The following ETNPPL variants were observed in gnomAD, a reference collection of about 807,000 sequenced individuals.
The protein encoded by ETNPPL is ethanolamine-phosphate phospho-lyase.
In ETNPPL, 30 loss-of-function variants were observed where a neutral mutation model predicts 55.5. The ratio of observed to expected loss-of-function variants is 0.54; its 90% confidence interval spans 0.40 to 0.73. The LOEUF (loss-of-function observed/expected upper bound fraction) is 0.73, where lower values mean the gene tolerates loss of function less well. ETNPPL is among the 30% of genes least tolerant of loss of function. ETNPPL has a pLI of 0.00. For missense variants in ETNPPL, 528 were observed against 607.9 expected, an observed-to-expected ratio of 0.87 and a Z score of 1.38; for synonymous variants, 202 against 207.2, an observed-to-expected ratio of 0.98 and a Z score of 0.21.
chr4:108,760,318 C>T lies in ETNPPL; in HGVS notation c.57-12G>A. 1.4e-6 allele frequency: 2 copies of T among 1,474,216 alleles called. No homozygotes were observed. The highest frequency in any genetic ancestry group is 1.9e-6 in the Non-Finnish European group (2 of 1,055,574). The allele number at this position is 1,474,216 out of a possible 1,614,324, so 91.3% of individuals were successfully genotyped here. ...CTTTGCATGAGGGCCTAGAAATAAT[C>T]AAAGGAAACACTTTGGTCTGGTAGG... On this transcript the variant is annotated splice_polypyrimidine_tract_variant and intron_variant, in intron 1 of 12. Transcript: ENST00000296486.
chr4:108,759,439 A>G lies in ETNPPL; in HGVS notation c.335+310T>C, dbSNP rs575982988. On this transcript the variant is annotated intron_variant, in intron 3 of 12. Transcript: ENST00000296486. Reference sequence around the variant, plus strand: ...AAAAAAAAAAAGTTTTAGCTTGTTTACTAGAGTTATTTCTTGGCTAAAGTT... The same window carrying G: ...AAAAAAAAAAAGTTTTAGCTTGTTTGCTAGAGTTATTTCTTGGCTAAAGTT... Among the ~76,000 whole-genome samples the G allele has an allele frequency of 4.0e-5, 6 of 149,698 alleles. No individual in the cohort carries two copies. In the South Asian group the frequency reaches 1.3e-3, roughly 32 times the overall value.
At chr4:108,759,679 G>T in intron 3 of ETNPPL, 70 bp downstream of exon 3, 1 of 1,501,064 alleles carries the variant, frequency 6.7e-7, no homozygotes. Flanking sequence ...GAATCAAAAG[G>T]AAAGATTTGT....
rs1406498959 is a variant in ETNPPL, at chr4:108,749,213, A to G, written c.927+25T>C. 3.2e-6 allele frequency: 5 copies of G among 1,542,944 alleles called. No homozygotes were observed. In the African/African-American group the frequency reaches 6.8e-5, roughly 21 times the overall value. Reference sequence around the variant, plus strand: ...ACATGCATTATTTTTCCTTCTTAGCATTAAAGTTGGAGACCAAAATGTACC... The same window carrying G: ...ACATGCATTATTTTTCCTTCTTAGCGTTAAAGTTGGAGACCAAAATGTACC... On this transcript the variant is annotated intron_variant, in intron 8 of 12. Transcript: ENST00000296486.
At chr4:108,751,062 C>T (rs1245191897) in intron 6 of ETNPPL, 44 bp from the exon 7 acceptor site, 3 of 1,361,466 alleles carry the variant, frequency 2.2e-6, no homozygotes, top group East Asian at 4.6e-5. Flanking sequence ...GGTCCCCCTA[C>T]AACCCCCCTA....
intron 1 of ETNPPL, chr4:108,762,237 C>A: frequency 2.5e-6 from 1 of 394,086 alleles, no homozygotes; most frequent in Non-Finnish European, 5.0e-6. Context: ...GACAAGCAGG[C>A]TGGGAAGAAC....
At chr4:108,747,937 C>A in intron 9 of ETNPPL, 68 bp downstream of exon 9, 2 of 1,368,998 alleles carry the variant, frequency 1.5e-6, no homozygotes, top group Admixed American at 4.3e-5. Context: ...ACCATGTTGC[C>A]CAGCCTATAA....
At chr4:108,754,230 G>A (rs954760510) in intron 5 of ETNPPL, among the ~76,000 whole-genome samples, 2 of 151,752 alleles carry the variant, frequency 1.3e-5, no homozygotes, top group African/African-American at 2.4e-5. Context: ...CGCCCACCTC[G>A]GCCTCCCAAA....
chr4:108,762,712 G>T, intron 1 of ETNPPL, 131 bp downstream of exon 1: 1 of 1,157,492 alleles, frequency 8.6e-7, no homozygotes, highest in Admixed American at 1.7e-5. Flanking sequence ...CGCGGGGCGC[G>T]TGCACAGGCG....
At chr4:108,757,712 G>A (rs888431876) in intron 3 of ETNPPL, among the ~76,000 whole-genome samples, 1 of 152,096 alleles carries the variant, frequency 6.6e-6, no homozygotes, top group Non-Finnish European at 1.5e-5. Context: ...GCTGAAGCGG[G>A]CAGATTGCTT....
chr4:108,746,644 A>T (rs1450320512), intron 10 of ETNPPL, 115 bp from the exon 11 acceptor site: 6 of 1,466,250 alleles, frequency 4.1e-6, no homozygotes, highest in Non-Finnish European at 3.8e-6. Context: ...CCACATTATA[A>T]ATAGGATGTA....
At chr4:108,754,101 G>A (rs1272735032) in intron 5 of ETNPPL, among the ~76,000 whole-genome samples, 1 of 150,734 alleles carries the variant, frequency 6.6e-6, no homozygotes, top group African/African-American at 2.4e-5. Context: ...AGCCTCTCAA[G>A]TTGCTGGGAC....
chr4:108,742,450 TG>T lies in ETNPPL; in HGVS notation c.*33del, dbSNP rs1268823527. 2.5e-6 allele frequency: 4 copies of T among 1,612,104 alleles called. No individual in the cohort carries two copies. The highest frequency in any genetic ancestry group is 3.4e-6 in the Non-Finnish European group (4 of 1,178,510). On this transcript the variant is annotated 3_prime_UTR_variant, in exon 13 of 13. Coordinates refer to ENST00000296486, the MANE Select transcript of ETNPPL (RefSeq NM_031279.4). ...CACATCTACTCATTCTCTGTAACTC[TG>T]GACATCGCATCTTGCTTTAAAATGC...
chr4:108,746,891 A>G (rs1728532112), intron 9 of ETNPPL, 40 bp from the exon 10 acceptor site: 2 of 1,386,840 alleles, frequency 1.4e-6, no homozygotes, highest in Non-Finnish European at 2.0e-6. Context: ...CAATCTGTCC[A>G]ACTCTTCACT....
At chr4:108,756,804 T>C (rs536580061) in intron 3 of ETNPPL, among the ~76,000 whole-genome samples, 31 of 152,194 alleles carry the variant, frequency 2.0e-4, no homozygotes, top group African/African-American at 7.0e-4. Context: ...CCAGCCTGGG[T>C]AACAGACTGA....
At chr4:108,757,327 G>A (rs1244155218) in intron 3 of ETNPPL, among the ~76,000 whole-genome samples, 1 of 152,168 alleles carries the variant, frequency 6.6e-6, no homozygotes, top group Non-Finnish European at 1.5e-5. Context: ...GATTTTACTT[G>A]TATTTTTTCT....
At chr4:108,756,312 T>C (rs1729192515) in intron 4 of ETNPPL, 106 bp downstream of exon 4, 1 of 748,544 alleles carries the variant, frequency 1.3e-6, no homozygotes, top group Non-Finnish European at 2.3e-6. Flanking sequence ...TTGCTCCATA[T>C]ATCTGTCCTC....
At chr4:108,746,872 C>G in intron 9 of ETNPPL, 21 bp from the exon 10 acceptor site, 1 of 1,560,904 alleles carries the variant, frequency 6.4e-7, no homozygotes, top group Non-Finnish European at 8.8e-7. Context: ...TGAAGAAAAA[C>G]TTGACCCACA....
At chr4:108,744,625 A>G (rs1032001485) in intron 11 of ETNPPL, among the ~76,000 whole-genome samples, 1 of 151,552 alleles carries the variant, frequency 6.6e-6, no homozygotes, top group Non-Finnish European at 1.5e-5. Flanking sequence ...AACATTCACT[A>G]TTCATATCTA....
chr4:108,762,110 G>A (rs990363951), intron 1 of ETNPPL: 3 of 217,438 alleles, frequency 1.4e-5, no homozygotes, highest in African/African-American at 6.7e-5. Context: ...TTTCATAGAA[G>A]AGACAATTAA....
Sources: allele counts gnomAD v4.1 joint callset (sites outside exome capture counted in the v4.1 genomes callset), GRCh38; gene constraint gnomAD v4.1.1; transcripts MANE v1.5; gene names NCBI Gene and HGNC (gene_info 2026-07-23, HGNC 2026-07-21).